Variants in TMC1 observed in about 807,000 individuals in gnomAD.
TMC1 encodes the protein transmembrane channel like 1, also known as transmembrane channel-like protein 1.
TMC1 carries 84 observed loss-of-function variants against 105.8 expected under a neutral mutation model. That is an observed-to-expected ratio of 0.79 (90% confidence interval 0.67 to 0.95). The LOEUF is 0.95. Among genes scored for constraint, TMC1 ranks in the 40% least tolerant of loss-of-function variants. The pLI is 0.00. For missense variants in TMC1, 817 were observed against 914.1 expected (o/e 0.89, Z 1.37); for synonymous variants, 315 against 311.5 (o/e 1.01, Z -0.12).
At chr9:72,693,581 C>A (rs903769437) in intron 6 of TMC1, among the ~76,000 whole-genome samples, 10 of 151,928 alleles carry the variant, frequency 6.6e-5, no homozygotes, top group African/African-American at 2.4e-4. Flanking sequence ...GCAGATAATT[C>A]ATAGTTTTCC....
At position 72,688,708 on chromosome 9, in the gene TMC1, G is replaced by A; in HGVS notation, c.17-1G>A. On this transcript the variant is annotated splice_acceptor_variant, in intron 5 of 23. Coordinates refer to ENST00000297784, the MANE Select transcript of TMC1 (RefSeq NM_138691.3). LOFTEE classifies it high-confidence loss of function. The stretch of plus-strand genomic sequence containing the variant: ...GCTGTACTGTTTTCTTTCCTCAACA[G>A]TACAAATCAAAGTGGAGGAAAAAGA... The A allele has an allele frequency of 6.2e-7, 1 of 1,610,898 alleles. No individual in the cohort carries two copies. Among genetic ancestry groups the A allele is most frequent in the Non-Finnish European group, 8.5e-7 (1 of 1,177,968 alleles).
intron 4 of TMC1, among the ~76,000 whole-genome samples, chr9:72,636,707 C>CAAAAAAAAAAAAAAAAAAAA (rs59553107): frequency 1.2e-5 from 1 of 83,274 alleles, no homozygotes; most frequent in Non-Finnish European, 2.3e-5. Flanking sequence ...GACTCCATCT[C>CAAAAAAAAAAAAAAAAAAAA]AAAAAAAAAA....
chr9:72,790,070 A>G (rs1279681760), intron 15 of TMC1, among the ~76,000 whole-genome samples: 2 of 152,200 alleles, frequency 1.3e-5, no homozygotes, highest in Non-Finnish European at 2.9e-5. Context: ...ATCATTGGTC[A>G]TGAGTTGTTG....
At chr9:72,664,860 A>G (rs1588020147) in intron 5 of TMC1, among the ~76,000 whole-genome samples, 1 of 152,200 alleles carries the variant, frequency 6.6e-6, no homozygotes, top group East Asian at 1.9e-4. Flanking sequence ...CACTTAAGCC[A>G]TCTGCGGATG....
At chr9:72,537,595 T>C (rs1007845954) in intron 1 of TMC1, among the ~76,000 whole-genome samples, 1 of 152,232 alleles carries the variant, frequency 6.6e-6, no homozygotes, top group Non-Finnish European at 1.5e-5. Context: ...TTAAGGACCA[T>C]GGCCCATGAC....
Position 72,578,867 on chromosome 9 carries a change from A to C in TMC1, c.-306+844A>C, listed in dbSNP as rs116888485. 8.2e-3 allele frequency among the ~76,000 whole-genome samples: 1,252 copies of C among 152,274 alleles called. 15 individuals carry two copies. The highest frequency in any genetic ancestry group is 0.044 in the South Asian group (213 of 4,820). On this transcript the variant is annotated intron_variant, in intron 2 of 23. Transcript: ENST00000297784. ...TGAGGGTCTGGGGAAAGAAGAATAG[A>C]ATGAATGGGGCATCTCAGAATCGTA...
chr9:72,560,144 T>C (rs1256165786), intron 1 of TMC1, among the ~76,000 whole-genome samples: 1 of 152,196 alleles, frequency 6.6e-6, no homozygotes, highest in Non-Finnish European at 1.5e-5. Context: ...TTGAAAACAC[T>C]CATTATCCCA....
chr9:72,765,326 A>G (rs1827812272), intron 12 of TMC1, among the ~76,000 whole-genome samples: 1 of 152,124 alleles, frequency 6.6e-6, no homozygotes, highest in African/African-American at 2.4e-5. Flanking sequence ...TATTGCATCA[A>G]GTGAAGCTCC....
At chr9:72,635,466 C>G (rs1462518929) in intron 4 of TMC1, among the ~76,000 whole-genome samples, 3 of 152,108 alleles carry the variant, frequency 2.0e-5, no homozygotes, top group Admixed American at 1.3e-4. Flanking sequence ...TCTGGTGTGA[C>G]TGAATAACAA....
chr9:72,752,804 A>C (rs1250486630), intron 11 of TMC1, among the ~76,000 whole-genome samples: 1 of 152,172 alleles, frequency 6.6e-6, no homozygotes, highest in African/African-American at 2.4e-5. Context: ...TTTTATCCCG[A>C]TAGCTTCAAA....
chr9:72,560,482 G>C (rs1587957604), intron 1 of TMC1, among the ~76,000 whole-genome samples: 1 of 152,026 alleles, frequency 6.6e-6, no homozygotes, highest in East Asian at 1.9e-4. Context: ...CTGTGATGGA[G>C]TTGTTGTCAT....
intron 8 of TMC1, among the ~76,000 whole-genome samples, chr9:72,733,354 C>T (rs1415135293): frequency 6.6e-6 from 1 of 151,940 alleles, no homozygotes; most frequent in African/African-American, 2.4e-5. Context: ...CACCTGGGCC[C>T]TCTCCTTGGG....
Position 72,700,040 on chromosome 9 carries a change from G to A in TMC1, c.237-478G>A, listed in dbSNP as rs796948080. Among the ~76,000 whole-genome samples the A allele has an allele frequency of 2.7e-5, 4 of 150,426 alleles. 1 individual carries two copies. The highest frequency in any genetic ancestry group is 9.8e-5 in the African/African-American group (4 of 40,806). ...AGGCCGAGGTGGGCAGATCACCTGA[G>A]GTCAGGAGTTCGAGACCAGCCTGGC... On this transcript the variant is annotated intron_variant, in intron 7 of 23. Coordinates refer to ENST00000297784, the MANE Select transcript of TMC1 (RefSeq NM_138691.3).
At chr9:72,624,449 G>A (rs1825310951) in intron 3 of TMC1, among the ~76,000 whole-genome samples, 1 of 152,000 alleles carries the variant, frequency 6.6e-6, no homozygotes, top group Non-Finnish European at 1.5e-5. Flanking sequence ...TTCTTGTCCT[G>A]TCGAAATGGC....
intron 7 of TMC1, among the ~76,000 whole-genome samples, chr9:72,698,022 A>G (rs1185595502): frequency 6.6e-6 from 1 of 152,064 alleles, no homozygotes; most frequent in African/African-American, 2.4e-5. Context: ...ACTAACCCAC[A>G]TATCATTCTA....
At chr9:72,530,239 C>T (rs746414353) in intron 1 of TMC1, among the ~76,000 whole-genome samples, 5 of 151,988 alleles carry the variant, frequency 3.3e-5, no homozygotes, top group Non-Finnish European at 5.9e-5. Flanking sequence ...AGTGTAGTGA[C>T]GCGATCTCTA....
chr9:72,831,052 G>T (rs902242068), intron 23 of TMC1, among the ~76,000 whole-genome samples: 3 of 152,148 alleles, frequency 2.0e-5, no homozygotes, highest in African/African-American at 7.2e-5. Flanking sequence ...ATACATGGAA[G>T]GATATGGCAA....
intron 5 of TMC1, among the ~76,000 whole-genome samples, chr9:72,668,038 C>CT (rs1826071133): frequency 6.6e-6 from 1 of 151,746 alleles, no homozygotes; most frequent in African/African-American, 2.4e-5. Context: ...TTGTTAATAT[C>CT]TTTTTTCCTA....
chr9:72,688,093 C>T (rs2132183341), intron 5 of TMC1, among the ~76,000 whole-genome samples: 1 of 152,098 alleles, frequency 6.6e-6, no homozygotes, highest in East Asian at 1.9e-4. Flanking sequence ...GAAAAAGTGT[C>T]CTTTGTCTTG....
Sources: gnomAD v4.1 joint callset for allele counts (sites outside exome capture counted in the v4.1 genomes callset) on GRCh38, gnomAD v4.1.1 for gene constraint, MANE v1.5 for transcripts, NCBI Gene and HGNC (gene_info 2026-07-23, HGNC 2026-07-21) for gene names.